ADNP2: variants seen among roughly 807,000 people sequenced by gnomAD.
ADNP2 encodes activity-dependent neuroprotector homeobox protein 2.
A neutral mutation model predicts 16.4 loss-of-function variants in ADNP2; 8 were observed. The ratio of observed to expected loss-of-function variants is 0.49; its 90% CI spans 0.29 to 0.88. The LOEUF is 0.88. ADNP2 is among the 40% of genes least tolerant of loss of function. The probability of loss-of-function intolerance (pLI) is 0.09; values close to 1 mark genes in which losing one functional copy is unlikely to be tolerated. For missense variants in ADNP2, 1,397 were observed against 1,395.1 expected (o/e 1.00, Z -0.02); for synonymous variants, 637 against 545.8 (o/e 1.17, Z -2.33).
At chr18:80,111,282 C>A (rs577831312) in intron 1 of ADNP2, among the ~76,000 whole-genome samples, 1 of 152,166 alleles carries the variant, frequency 6.6e-6, no homozygotes, top group African/African-American at 2.4e-5. Context: ...ATAGCAAACT[C>A]AGTGCTTATG....
chr18:80,133,299 G>A, intron 3 of ADNP2, 107 bp downstream of exon 3: 1 of 885,528 alleles, frequency 1.1e-6, no homozygotes. Context: ...TGAGTGAATG[G>A]GGAGGAGGAA....
intron 2 of ADNP2, among the ~76,000 whole-genome samples, chr18:80,125,077 C>T (rs1599812255): frequency 6.6e-6 from 1 of 152,058 alleles, no homozygotes; most frequent in East Asian, 1.9e-4. Flanking sequence ...ACCTTTAATC[C>T]ATAATGACTT....
intron 2 of ADNP2, 35 bp from the exon 3 acceptor site, chr18:80,133,068 T>G: frequency 7.2e-7 from 1 of 1,394,668 alleles, no homozygotes; most frequent in Non-Finnish European, 1.0e-6. Flanking sequence ...TCTTCTGAAT[T>G]TACATAATCT....
At chr18:80,114,447 G>C (rs555603532) in intron 1 of ADNP2, among the ~76,000 whole-genome samples, 1 of 152,196 alleles carries the variant, frequency 6.6e-6, no homozygotes, top group African/African-American at 2.4e-5. Flanking sequence ...TTTTGGAATA[G>C]TTGGCAGATT....
At position 80,137,981 on chromosome 18, in the gene ADNP2, T is replaced by C. The variant is rs764217093; in HGVS notation, c.2568T>C (p.Tyr856=). 16 of 1,613,236 alleles carry C rather than the reference T, an allele frequency of 9.9e-6. No individual in the cohort carries two copies. Among genetic ancestry groups the C allele is most frequent in the South Asian group, 6.6e-5 (6 of 91,090 alleles). ...GIHSKSLVPV[Y]VKVRPQAEGT... ...ACTCCAAGTCACTGGTGCCTGTGTA[T>C]GTGAAGGTGAGGCCTCAGGCTGAGG... Residue 856 remains tyrosine (Y), a synonymous_variant, in exon 4 of 4, where the codon TAT becomes TAC. Coordinates refer to ENST00000262198, the MANE Select transcript of ADNP2 (RefSeq NM_014913.4). The surrounding 1 kb of genome is among the most constrained non-coding windows in gnomAD (Gnocchi z 4.2).
At chr18:80,118,834 A>G (rs898368797) in intron 2 of ADNP2, among the ~76,000 whole-genome samples, 1 of 152,336 alleles carries the variant, frequency 6.6e-6, no homozygotes, top group African/African-American at 2.4e-5. Context: ...TTCACAAGGG[A>G]AAATTAAGAG....
rs2052538741 is a variant in ADNP2 at position 80,136,731 on chromosome 18, G to A, written c.1318G>A (p.Val440Met). The A allele has an allele frequency of 6.2e-7, 1 of 1,613,274 alleles. No individual in the cohort carries two copies. The highest frequency in any genetic ancestry group is 8.5e-7 in the Non-Finnish European group (1 of 1,179,640). ...GGCTGTCTCGCCAGGGGTGCTTTCT[G>A]TGAGTCGGGCGGTCCCGTCTGGAGT... is the stretch of plus-strand genomic sequence containing the variant. ...LQAVSPGVLS[V>M]SRAVPSGVLP... The change falls in exon 4 of 4, where the codon GTG (valine) becomes ATG (methionine). Residue 440 changes from valine to methionine, a missense_variant. Physicochemically the swap from Val to Met is conservative, Grantham distance 21. Transcript: ENST00000262198.
chr18:80,130,218 G>A (rs1306272861), intron 2 of ADNP2, among the ~76,000 whole-genome samples: 16 of 152,134 alleles, frequency 1.1e-4, no homozygotes, highest in Admixed American at 1.0e-3. Context: ...CTGTGAGGAT[G>A]GGCCCATTCT....
intron 2 of ADNP2, among the ~76,000 whole-genome samples, chr18:80,125,216 C>T (rs1015636215): frequency 6.6e-6 from 1 of 152,142 alleles, no homozygotes; most frequent in African/African-American, 2.4e-5. Context: ...GTTGGGCTTG[C>T]TGTTATTGTA....
In ADNP2 at chr18:80,112,229, A is replaced by G. The variant is rs950599436; in HGVS notation, c.-14+2757A>G. Among the ~76,000 whole-genome samples the G allele has an allele frequency of 3.3e-5, 5 of 152,308 alleles. No individual in the cohort carries two copies. The South Asian group carries it at 8.3e-4, about 25-fold the overall frequency. ...ATCCACTGGGCATTTTACATGGAAT[A>G]TTTTATCTTAGGATTGATAAATTAT... is the stretch of plus-strand genomic sequence containing the variant. On this transcript the variant is annotated intron_variant, in intron 1 of 3. Transcript: ENST00000262198.
chr18:80,122,542 ACTT>A (rs1424951149), intron 2 of ADNP2, among the ~76,000 whole-genome samples: 3 of 152,192 alleles, frequency 2.0e-5, no homozygotes, highest in Admixed American at 2.0e-4. Context: ...TAAGGCTTTC[ACTT>A]CTTTGGTTAA....
chr18:80,125,934 C>T (rs1200436810), intron 2 of ADNP2, among the ~76,000 whole-genome samples: 1 of 152,204 alleles, frequency 6.6e-6, no homozygotes, highest in Admixed American at 6.5e-5. Context: ...AGAGACTCTA[C>T]AGGCAGCAAA....
In ADNP2 at chr18:80,117,513, T is replaced by G; in HGVS notation, c.-13-17T>G. 1 of 1,529,962 alleles carries G rather than the reference T, an allele frequency of 6.5e-7. No homozygotes were observed. Among genetic ancestry groups the G allele is most frequent in the Non-Finnish European group, 8.9e-7 (1 of 1,126,954 alleles). 94.8% of individuals were successfully genotyped at this position (1,529,962 alleles called of 1,614,324 possible). On this transcript the variant is annotated splice_polypyrimidine_tract_variant and intron_variant, in intron 1 of 3. Coordinates refer to ENST00000262198, the MANE Select transcript of ADNP2 (RefSeq NM_014913.4). ...TATACATGTACTTATTACAGTTTTGTTTTCTTTCCTTTTAAGGAAAATTTC... is the reference window on the plus strand; with the variant it reads ...TATACATGTACTTATTACAGTTTTGGTTTCTTTCCTTTTAAGGAAAATTTC...
chr18:80,125,078 A>G (rs912495781), intron 2 of ADNP2, among the ~76,000 whole-genome samples: 1 of 152,214 alleles, frequency 6.6e-6, no homozygotes, highest in African/African-American at 2.4e-5. Context: ...CCTTTAATCC[A>G]TAATGACTTT....
intron 1 of ADNP2, chr18:80,109,753 G>A (rs2052344973): frequency 6.6e-6 from 1 of 151,478 alleles, no homozygotes; most frequent in South Asian, 2.1e-4. Context: ...GCCCCGGGAG[G>A]GCGGAGAAGG....
chr18:80,137,008 T>G lies in ADNP2; in HGVS notation c.1595T>G (p.Val532Gly). Reference protein sequence around the residue: ...PNQTVSSSAVVPVNQGVNSGV... With the variant: ...PNQTVSSSAVGPVNQGVNSGV... ...CAGACAGTCTCCTCCTCAGCTGTTG[T>G]GCCTGTAAACCAGGGTGTGAATTCT... Residue 532 changes from valine (V) to glycine (G), a missense_variant, in exon 4 of 4, where the codon GTG (valine) becomes GGG (glycine). Around this residue, in one of 3 missense-constraint regions of ADNP2, gnomAD observed 777 missense variants for 719.4 expected, o/e 1.08. Coordinates refer to ENST00000262198, the MANE Select transcript of ADNP2 (RefSeq NM_014913.4). The surrounding 1 kb of genome is among the most constrained non-coding windows in gnomAD (Gnocchi z 4.2). 6.2e-7 allele frequency: 1 copy of G among 1,614,172 alleles called. No homozygotes were observed. Among genetic ancestry groups the G allele is most frequent in the South Asian group, 1.1e-5 (1 of 91,084 alleles).
intron 2 of ADNP2, 135 bp from the exon 3 acceptor site, chr18:80,132,965 CCCT>C: frequency 1.5e-6 from 1 of 651,172 alleles, no homozygotes; most frequent in South Asian, 1.8e-5. Context: ...AAGTGATCCA[CCCT>C]CCTCAACCTC....
rs150108490 is a variant in ADNP2 at position 80,136,900 on chromosome 18, G to A, written c.1487G>A (p.Arg496Gln). The A allele has an allele frequency of 1.9e-4, 300 of 1,614,114 alleles. No individual in the cohort carries two copies. Among genetic ancestry groups the A allele is most frequent in the Non-Finnish European group, 2.1e-4 (251 of 1,180,016 alleles). ...CCTGTGGGCCAGACAGCTCCGTCAC[G>A]GGTTCTTCCCCCAGGCCAGACAGCC... is the stretch of plus-strand genomic sequence containing the variant. The part of the protein sequence containing the change: ...VLPVGQTAPS[R>Q]VLPPGQTAPL... The change falls in exon 4 of 4, where the codon CGG becomes CAG. Residue 496 changes from arginine to glutamine, a missense_variant. Physicochemically the swap from Arg to Gln is conservative, Grantham distance 43 (BLOSUM62 1). Coordinates refer to ENST00000262198, the MANE Select transcript of ADNP2 (RefSeq NM_014913.4).
At chr18:80,130,330 C>T (rs143932376) in intron 2 of ADNP2, among the ~76,000 whole-genome samples, 66 of 152,346 alleles carry the variant, frequency 4.3e-4, no homozygotes, top group African/African-American at 1.6e-3. Flanking sequence ...TGTTACCTCA[C>T]AGGACTGTCC....
Sources: allele counts gnomAD v4.1 joint callset (sites outside exome capture counted in the v4.1 genomes callset), GRCh38; gene constraint gnomAD v4.1.1; regional missense constraint gnomAD v4.1.1; non-coding constraint Gnocchi (gnomAD v3.1); transcripts MANE v1.5; gene names NCBI Gene and HGNC (gene_info 2026-07-23, HGNC 2026-07-21).